Variants in TNRC18 observed in about 807,000 individuals in gnomAD.
TNRC18 encodes trinucleotide repeat-containing gene 18 protein.
TNRC18 carries 69 observed loss-of-function variants against 226.7 expected under a neutral mutation model. That is an observed-to-expected ratio of 0.30 (90% CI 0.25 to 0.37). TNRC18 has a LOEUF of 0.37. TNRC18 is among the 10% of genes least tolerant of loss of function. The pLI, the probability that TNRC18 is intolerant of heterozygous loss-of-function variation, is 1.00. For missense variants in TNRC18, 4,754 were observed against 4,256.6 expected (o/e 1.12, Z -3.25); for synonymous variants, 2,449 against 1,927.6 (o/e 1.27, Z -7.09).
At chr7:5,342,479 C>T (rs1185004330) in intron 18 of TNRC18, among the ~76,000 whole-genome samples, 1 of 151,232 alleles carries the variant, frequency 6.6e-6, no homozygotes, top group African/African-American at 2.4e-5. Flanking sequence ...TCGCGGACAA[C>T]TATGAAAGGC....
At chr7:5,407,615 A>G (rs893911668) in intron 2 of TNRC18, among the ~76,000 whole-genome samples, 1 of 152,228 alleles carries the variant, frequency 6.6e-6, no homozygotes, top group East Asian at 1.9e-4. Flanking sequence ...GTCTTGCTCC[A>G]ATCAGGTACC....
Position 5,389,305 on chromosome 7 carries a change from C to A in TNRC18, c.519G>T (p.Pro173=). ...AGGGCGCGTGAGAGTGCAGGGAGCC[C>A]GGAGCCCCCGCGGTGGGCAGGTAGA... The part of the protein sequence containing the change: ...DGFYLPTAGA[P]GSLHSHAPSA... Residue 173 remains proline (P), a synonymous_variant, in exon 5 of 30, where the codon CCG becomes CCT. Coordinates refer to ENST00000430969, the MANE Select transcript of TNRC18 (RefSeq NM_001080495.3). 4 of 1,282,696 alleles carry A rather than the reference C, an allele frequency of 3.1e-6. No individual in the cohort carries two copies. Among genetic ancestry groups the A allele is most frequent in the Admixed American group, 3.9e-5 (1 of 25,552 alleles). The allele number at this position is 1,282,696 out of a possible 1,614,324, so 79.5% of individuals were successfully genotyped here. A position where few individuals can be genotyped will look rare whatever the true frequency, so the allele number is the denominator to read the frequency against.
At position 5,373,399 on chromosome 7, in the gene TNRC18, CCT is replaced by C. The variant is rs377725717; in HGVS notation, c.3229+654_3229+655del. On this transcript the variant is annotated intron_variant, in intron 10 of 29. Transcript: ENST00000430969. Reference sequence around the variant, plus strand: ...CTCCCTGAGAGCAGGGCTGTGTGCCCCTGATTCTCTGCACCACTCCCAGCCCA... The same window carrying C: ...CTCCCTGAGAGCAGGGCTGTGTGCCCGATTCTCTGCACCACTCCCAGCCCA... Among the ~76,000 whole-genome samples, 425 of 152,254 alleles carry C rather than the reference CCT, an allele frequency of 2.8e-3. 2 individuals are homozygous for C. Among genetic ancestry groups the C allele is most frequent in the African/African-American group, 9.8e-3 (408 of 41,562 alleles).
Position 5,377,816 on chromosome 7 carries a change from C to A in TNRC18, c.2255+106G>T. 2 of 1,133,260 alleles carry A rather than the reference C, an allele frequency of 1.8e-6. No homozygotes were observed. The highest frequency in any genetic ancestry group is 4.1e-5 in the Admixed American group (2 of 48,268). 70.2% of individuals were successfully genotyped at this position (1,133,260 alleles called of 1,614,324 possible). A position where few individuals can be genotyped will look rare whatever the true frequency, so the allele number is the denominator to read the frequency against. On this transcript the variant is annotated intron_variant, in intron 6 of 29. Transcript: ENST00000430969. This position sits in a 1 kb window ranked among gnomAD's most constrained non-coding sequence, Gnocchi z 5.8. ...GTGACTCCCGCTCTCAGTACCATAG[C>A]ATCCATGGTCGAGGGGCCAAGCCCA...
chr7:5,400,765 G>A (rs1467636761), intron 2 of TNRC18, among the ~76,000 whole-genome samples: 1 of 152,184 alleles, frequency 6.6e-6, no homozygotes, highest in Non-Finnish European at 1.5e-5. Flanking sequence ...GTAGCCTGGC[G>A]TGGTGGCTCA....
At chr7:5,403,344 G>C (rs1259394164) in intron 2 of TNRC18, among the ~76,000 whole-genome samples, 1 of 152,076 alleles carries the variant, frequency 6.6e-6, no homozygotes, top group Admixed American at 6.6e-5. Flanking sequence ...ATTTTTAGTA[G>C]AGACGGGGTT....
chr7:5,391,852 A>AT (rs1562606328), intron 3 of TNRC18, among the ~76,000 whole-genome samples: 12 of 92,508 alleles, frequency 1.3e-4, no homozygotes, highest in African/African-American at 8.0e-4. Flanking sequence ...AAAAAAAAAA[A>AT]ATTTAAATAG....
intron 4 of TNRC18, 71 bp from the exon 5 acceptor site, chr7:5,389,407 G>GA: frequency 8.2e-7 from 1 of 1,214,734 alleles, no homozygotes; most frequent in Non-Finnish European, 1.0e-6. Flanking sequence ...GGCGGAGGCG[G>GA]ACCCCTGAGA....
rs746101619 is a variant in TNRC18, at chr7:5,388,532, G to C, written c.1292C>G (p.Ser431Trp). The stretch of plus-strand genomic sequence containing the variant: ...CGGCCGCTTGAGCGAGCGGATGACC[G>C]AGTTCTTCTCGCGCAGGCCCTCGGG... ...DRPEGLREKNSVIRSLKRPPP... is the reference protein window; with the variant it reads ...DRPEGLREKNWVIRSLKRPPP... Residue 431 changes from serine to tryptophan, a missense_variant, in exon 5 of 30, where the codon TCG becomes TGG. Coordinates refer to ENST00000430969, the MANE Select transcript of TNRC18 (RefSeq NM_001080495.3). 3.0e-6 allele frequency: 4 copies of C among 1,319,760 alleles called. No homozygotes were observed. The South Asian group carries it at 5.4e-5, about 18-fold the overall frequency. The allele number at this position is 1,319,760 out of a possible 1,614,324, so 81.8% of individuals were successfully genotyped here. A position where few individuals can be genotyped will look rare whatever the true frequency, so the allele number is the denominator to read the frequency against.
chr7:5,388,226 C>T lies in TNRC18; in HGVS notation c.1598G>A (p.Ser533Asn), dbSNP rs561545797. 2.8e-5 allele frequency: 45 copies of T among 1,602,548 alleles called. 2 individuals are homozygous for T. In the African/African-American group the frequency reaches 3.3e-4, roughly 12 times the overall value. Residue 533 changes from serine to asparagine, a missense_variant, in exon 5 of 30, where the codon AGC (serine) becomes AAC (asparagine). Ser to Asn is a conservative substitution (Grantham distance 46, BLOSUM62 1). Transcript: ENST00000430969. Reference sequence around the variant, plus strand: ...CACGGCGGCCTCCTCTTCGGCGCGGCTGTGGTGGTGCTGCGCGGCCAGCAC... The same window carrying T: ...CACGGCGGCCTCCTCTTCGGCGCGGTTGTGGTGGTGCTGCGCGGCCAGCAC... ...MAVLAAQHHH[S>N]RAEEEAAVVA...
intron 2 of TNRC18, among the ~76,000 whole-genome samples, chr7:5,398,688 G>C (rs1584069132): frequency 6.6e-6 from 1 of 151,818 alleles, no homozygotes; most frequent in South Asian, 2.1e-4. Flanking sequence ...CTCAATCATA[G>C]CTCACTACAG....
At position 5,377,386 on chromosome 7, in the gene TNRC18, C is replaced by A. The variant is rs757246612; in HGVS notation, c.2446G>T (p.Ala816Ser). Residue 816 changes from alanine to serine, a missense_variant, in exon 7 of 30, where the codon GCT becomes TCT. Transcript: ENST00000430969. The surrounding 1 kb of genome is among the most constrained non-coding windows in gnomAD (Gnocchi z 5.8). The part of the protein sequence containing the change: ...PRSGNASMWL[A>S]GHPYGLGPPS... ...CCACACTCACCGTAGGGGTGTCCAG[C>A]GAGCCACATGGATGCGTTGCCCGAG... 6.3e-7 allele frequency: 1 copy of A among 1,585,348 alleles called. No homozygotes were observed.
intron 2 of TNRC18, among the ~76,000 whole-genome samples, chr7:5,410,990 G>T (rs377510799): frequency 6.6e-6 from 1 of 151,732 alleles, no homozygotes; most frequent in Non-Finnish European, 1.5e-5. Context: ...TGGATCACTT[G>T]AGGTCAGGAG....
At chr7:5,317,266 G>A (rs1224930073) in intron 24 of TNRC18, among the ~76,000 whole-genome samples, 2 of 152,036 alleles carry the variant, frequency 1.3e-5, no homozygotes, top group Non-Finnish European at 2.9e-5. Context: ...CAGAAGGAGG[G>A]GGGACCGGGA....
At chr7:5,386,364 G>C (rs1449036839) in intron 5 of TNRC18, among the ~76,000 whole-genome samples, 1 of 152,016 alleles carries the variant, frequency 6.6e-6, no homozygotes, top group Admixed American at 6.6e-5. Context: ...ATCATCTGAG[G>C]TCAGAAGTTT....
intron 4 of TNRC18, 73 bp from the exon 5 acceptor site, chr7:5,389,409 C>G (rs557924732): frequency 7.4e-6 from 9 of 1,214,142 alleles, no homozygotes; most frequent in Non-Finnish European, 9.2e-6. Flanking sequence ...CGGAGGCGGA[C>G]CCCTGAGAGG....
In TNRC18 at chr7:5,394,174, G is replaced by A. The variant is rs1780494914; in HGVS notation, c.343+266C>T. On this transcript the variant is annotated intron_variant, in intron 3 of 29. Coordinates refer to ENST00000430969, the MANE Select transcript of TNRC18 (RefSeq NM_001080495.3). This position sits in a 1 kb window ranked among gnomAD's most constrained non-coding sequence, Gnocchi z 4.5. Reference sequence around the variant, plus strand: ...GTGATGGAAGTGGGTGCGGAAGAGGGGGTCTCTGAGCTGAGCCGGAGGAGG... The same window carrying A: ...GTGATGGAAGTGGGTGCGGAAGAGGAGGTCTCTGAGCTGAGCCGGAGGAGG... 6.6e-6 allele frequency among the ~76,000 whole-genome samples: 1 copy of A among 152,182 alleles called. No individual in the cohort carries two copies. The highest frequency in any genetic ancestry group is 2.1e-4 in the South Asian group (1 of 4,828).
chr7:5,410,219 G>A (rs1238266461), intron 2 of TNRC18, among the ~76,000 whole-genome samples: 2 of 147,772 alleles, frequency 1.4e-5, no homozygotes, highest in East Asian at 2.0e-4. Context: ...GCTGAGGAAT[G>A]AGAATCATTT....
chr7:5,354,608 C>G (rs1314876009), intron 16 of TNRC18, among the ~76,000 whole-genome samples: 1 of 152,086 alleles, frequency 6.6e-6, no homozygotes, highest in African/African-American at 2.4e-5. Context: ...TGATCACACC[C>G]ATCCCAATCA....
Sources: allele counts gnomAD v4.1 joint callset (sites outside exome capture counted in the v4.1 genomes callset), GRCh38; gene constraint gnomAD v4.1.1; non-coding constraint Gnocchi (gnomAD v3.1); transcripts MANE v1.5; gene names NCBI Gene and HGNC (gene_info 2026-07-23, HGNC 2026-07-21).